The following CAGE1 variants were observed in gnomAD, a reference collection of about 807,000 sequenced individuals.
CAGE1 encodes cancer antigen 1.
Under a neutral mutation model 94.9 loss-of-function variants are expected in CAGE1, and 66 were observed. The ratio of observed to expected loss-of-function variants is 0.70; its 90% confidence interval spans 0.57 to 0.85. The LOEUF is 0.85. Ranked by LOEUF, CAGE1 falls within the 40% of genes least tolerant of loss-of-function variation. The pLI is 0.00. For synonymous variants in CAGE1, 319 were observed against 321.0 expected, an observed-to-expected ratio of 0.99 and a Z score of 0.07; for missense variants, 865 against 950.4, an observed-to-expected ratio of 0.91 and a Z score of 1.18.
chr6:7,346,541 CCT>C lies in CAGE1; in HGVS notation c.2369+8498_2369+8499del, dbSNP rs1486676749. Among the ~76,000 whole-genome samples the C allele has an allele frequency of 2.1e-5, 3 of 143,050 alleles. No individual in the cohort carries two copies. In the East Asian group the frequency reaches 6.3e-4, roughly 30 times the overall value. The allele number at this position is 143,050 out of a possible 152,430, so 93.8% of individuals were successfully genotyped here. On this transcript the variant is annotated intron_variant, in intron 11 of 13. Coordinates refer to ENST00000502583, the MANE Select transcript of CAGE1 (RefSeq NM_001170692.2). Reference sequence around the variant, plus strand: ...TCCGGCCTGGGCGACAGAGCCAGACCCTGTCTCAAAAAACAAAAAAGTTAGCT... The same window carrying C: ...TCCGGCCTGGGCGACAGAGCCAGACCGTCTCAAAAAACAAAAAAGTTAGCT...
intron 11 of CAGE1, among the ~76,000 whole-genome samples, chr6:7,335,092 C>T (rs1165058870): frequency 6.6e-6 from 1 of 152,216 alleles, no homozygotes; most frequent in African/African-American, 2.4e-5. Context: ...CCCCACATCA[C>T]ACCACCTTTT....
chr6:7,348,233 A>G (rs1306295938), intron 11 of CAGE1, among the ~76,000 whole-genome samples: 3 of 152,210 alleles, frequency 2.0e-5, no homozygotes, highest in African/African-American at 7.2e-5. Flanking sequence ...ATCCATAGAC[A>G]GTTCACATCA....
intron 12 of CAGE1, among the ~76,000 whole-genome samples, chr6:7,333,634 CTAACTATCTATATATATA>C (rs1189172810): frequency 5.0e-5 from 2 of 39,604 alleles, no homozygotes; most frequent in Non-Finnish European, 8.8e-5. Context: ...AACTATCTAT[CTAACTATCTATATATATA>C]TATATATATA....
At chr6:7,375,332 C>T (rs1436280621) in intron 4 of CAGE1, among the ~76,000 whole-genome samples, 1 of 149,858 alleles carries the variant, frequency 6.7e-6, no homozygotes, top group Non-Finnish European at 1.5e-5. Flanking sequence ...TTGCTTGAAC[C>T]CTGGAGGTGG....
At chr6:7,346,032 A>G (rs958014022) in intron 11 of CAGE1, among the ~76,000 whole-genome samples, 1 of 152,060 alleles carries the variant, frequency 6.6e-6, no homozygotes, top group African/African-American at 2.4e-5. Flanking sequence ...TTAAAAGAAT[A>G]TTGTTCTGAT....
chr6:7,371,982 CA>C (rs113092571), intron 5 of CAGE1, among the ~76,000 whole-genome samples: 1,927 of 151,962 alleles, frequency 0.013, 23 homozygotes, highest in Non-Finnish European at 0.018. Context: ...TCTTCGCTGC[CA>C]AAAAAGCCTT....
At chr6:7,354,947 T>C in intron 11 of CAGE1, 94 bp downstream of exon 11, 1 of 883,628 alleles carries the variant, frequency 1.1e-6, no homozygotes, top group Non-Finnish European at 1.8e-6. Context: ...CACATTTTTC[T>C]TCTTTCTAGG....
chr6:7,384,509 G>A (rs1046269059), intron 3 of CAGE1, among the ~76,000 whole-genome samples: 1 of 149,740 alleles, frequency 6.7e-6, no homozygotes, highest in Non-Finnish European at 1.5e-5. Context: ...GCTGATACCT[G>A]TAATCCCAAC....
chr6:7,378,868 G>C lies in CAGE1; in HGVS notation c.436C>G (p.Gln146Glu). ...TTGTCTTTTGCATAATTATACACTT[G>C]ACTTTGAAATTCTGGCTTCTCTGTC... The part of the protein sequence containing the change: ...EMTEKPEFQS[Q>E]VYNYAKDNNI... Residue 146 changes from glutamine (Q) to glutamate (E), a missense_variant, in exon 4 of 14, where the codon CAA becomes GAA. Transcript: ENST00000502583. 2 of 1,611,862 alleles carry C rather than the reference G, an allele frequency of 1.2e-6. No homozygotes were observed. The highest frequency in any genetic ancestry group is 1.1e-5 in the South Asian group (1 of 90,870).
chr6:7,352,306 C>CAAAAA (rs796943772), intron 11 of CAGE1, among the ~76,000 whole-genome samples: 23 of 103,948 alleles, frequency 2.2e-4, no homozygotes, highest in African/African-American at 4.3e-4. Context: ...AAAAAAAAAA[C>CAAAAA]AAAAAAAAAC....
At chr6:7,345,512 A>G (rs776958265) in intron 11 of CAGE1, among the ~76,000 whole-genome samples, 12 of 152,254 alleles carry the variant, frequency 7.9e-5, no homozygotes, top group Non-Finnish European at 1.6e-4. Flanking sequence ...CAGCAAGATC[A>G]CTCTGGCTGC....
At chr6:7,389,106 T>A (rs372158423) in intron 1 of CAGE1, 96 bp downstream of exon 1, 65 of 353,390 alleles carry the variant, frequency 1.8e-4, no homozygotes, top group African/African-American at 1.2e-3. Flanking sequence ...ATTCTAAAGC[T>A]GTTTTAAGAT....
At chr6:7,329,623 T>C (rs772560124) in intron 13 of CAGE1, among the ~76,000 whole-genome samples, 4 of 151,438 alleles carry the variant, frequency 2.6e-5, no homozygotes, top group Non-Finnish European at 4.4e-5. Flanking sequence ...CTTGAAGGAG[T>C]AGCAGTGGGG....
chr6:7,361,693 C>T (rs1191026675), intron 9 of CAGE1, among the ~76,000 whole-genome samples: 1 of 152,044 alleles, frequency 6.6e-6, no homozygotes, highest in Non-Finnish European at 1.5e-5. Context: ...CCCACCCTTG[C>T]TTTAGAATGG....
Position 7,364,961 on chromosome 6 carries a change from G to A in CAGE1, c.2193+507C>T, listed in dbSNP as rs141291047. 5.0e-3 allele frequency among the ~76,000 whole-genome samples: 755 copies of A among 152,104 alleles called. 8 individuals carry two copies. The highest frequency in any genetic ancestry group is 0.017 in the African/African-American group (717 of 41,486). On this transcript the variant is annotated intron_variant, in intron 9 of 13. Transcript: ENST00000502583. ...TAAAAATTCATTATGTTAATTAGTC[G>A]TTTTCATTTTAGTGAGATCCAACTG...
Position 7,363,718 on chromosome 6 carries a change from C to A in CAGE1, c.2193+1750G>T, listed in dbSNP as rs1178267665. Among the ~76,000 whole-genome samples, 5 of 152,144 alleles carry A rather than the reference C, an allele frequency of 3.3e-5. No homozygotes were observed. In the East Asian group the frequency reaches 9.6e-4, roughly 29 times the overall value. Reference sequence around the variant, plus strand: ...GCTTCCTCTGCACCATGTCAAGGGGCAGGGGTCTGCCTGTCTCACCGTTAG... The same window carrying A: ...GCTTCCTCTGCACCATGTCAAGGGGAAGGGGTCTGCCTGTCTCACCGTTAG... On this transcript the variant is annotated intron_variant, in intron 9 of 13. Coordinates refer to ENST00000502583, the MANE Select transcript of CAGE1 (RefSeq NM_001170692.2).
chr6:7,357,365 C>G (rs1214718855), intron 9 of CAGE1, among the ~76,000 whole-genome samples: 1 of 152,028 alleles, frequency 6.6e-6, no homozygotes, highest in Non-Finnish European at 1.5e-5. Context: ...TCTTTTCATC[C>G]CATCTCCTCA....
rs1041262300 is a variant in CAGE1 at position 7,345,729 on chromosome 6, C to T, written c.2369+9312G>A. On this transcript the variant is annotated intron_variant, in intron 11 of 13. Transcript: ENST00000502583. The stretch of plus-strand genomic sequence containing the variant: ...GATCATGAGGTCAGGAAATTGAGAC[C>T]ATCCTGGCTGACTAAAACCCCGTCT... Among the ~76,000 whole-genome samples the T allele has an allele frequency of 1.1e-4, 16 of 151,770 alleles. 1 individual carries two copies. The highest frequency in any genetic ancestry group is 1.1e-3 in the Admixed American group (16 of 15,230).
chr6:7,389,457 G>C lies in CAGE1; in HGVS notation c.-279C>G, dbSNP rs1012291531. On this transcript the variant is annotated 5_prime_UTR_variant, in exon 1 of 14. Coordinates refer to ENST00000502583, the MANE Select transcript of CAGE1 (RefSeq NM_001170692.2). ...CCCTGTGTGACGTCCGCCCGCGCCG[G>C]GGGAACTCCGCAGAGACAGGTGCAG... The C allele has an allele frequency of 2.5e-6, 1 of 404,734 alleles. No individual in the cohort carries two copies. The highest frequency in any genetic ancestry group is 5.0e-6 in the Non-Finnish European group (1 of 201,986). The allele number at this position is 404,734 out of a possible 1,614,324, so 25.1% of individuals were successfully genotyped here.
Sources: gnomAD v4.1 joint callset for allele counts (sites outside exome capture counted in the v4.1 genomes callset) on GRCh38, gnomAD v4.1.1 for gene constraint, MANE v1.5 for transcripts, NCBI Gene and HGNC (gene_info 2026-07-23, HGNC 2026-07-21) for gene names.